CRPPA: variants seen among roughly 807,000 people sequenced by gnomAD.
CRPPA encodes CDP-L-ribitol pyrophosphorylase A, also known as D-ribitol-5-phosphate cytidylyltransferase.
Under a neutral mutation model 52.0 loss-of-function variants are expected in CRPPA, and 43 were observed. The ratio of observed to expected loss-of-function variants is 0.83; its 90% CI spans 0.65 to 1.07. CRPPA has a LOEUF of 1.07. CRPPA is among the 50% of genes least tolerant of loss of function. CRPPA has a pLI of 0.00. For synonymous variants in CRPPA, 250 were observed against 203.5 expected, an observed-to-expected ratio of 1.23 and a Z score of -1.94; for missense variants, 629 against 551.7, an observed-to-expected ratio of 1.14 and a Z score of -1.40.
intron 3 of CRPPA, among the ~76,000 whole-genome samples, chr7:16,358,926 C>A (rs1562652393): frequency 6.6e-6 from 1 of 152,124 alleles, no homozygotes; most frequent in Non-Finnish European, 1.5e-5. Context: ...AGTAAAATGA[C>A]AACTTTGAAA....
At chr7:16,245,020 A>G (rs999492537) in intron 8 of CRPPA, among the ~76,000 whole-genome samples, 1 of 151,920 alleles carries the variant, frequency 6.6e-6, no homozygotes. Context: ...TTCAAATTTT[A>G]AAGTTTTTTA....
At chr7:16,228,361 T>G (rs1377825580) in intron 8 of CRPPA, among the ~76,000 whole-genome samples, 1 of 151,860 alleles carries the variant, frequency 6.6e-6, no homozygotes, top group Admixed American at 6.6e-5. Flanking sequence ...CAGGCTTAGT[T>G]TGTTGTGTTT....
At chr7:16,377,683 C>T (rs1435336063) in intron 2 of CRPPA, among the ~76,000 whole-genome samples, 1 of 152,052 alleles carries the variant, frequency 6.6e-6, no homozygotes, top group Non-Finnish European at 1.5e-5. Context: ...AAGCCGTGAC[C>T]CGTTTCTTCT....
intron 9 of CRPPA, among the ~76,000 whole-genome samples, chr7:16,113,090 T>C (rs1267076078): frequency 6.6e-6 from 1 of 151,912 alleles, no homozygotes; most frequent in Non-Finnish European, 1.5e-5. Flanking sequence ...AAGACAAGTC[T>C]CTCTCAATGA....
chr7:16,339,321 T>G (rs1785764491), intron 3 of CRPPA, among the ~76,000 whole-genome samples: 1 of 152,162 alleles, frequency 6.6e-6, no homozygotes, highest in Non-Finnish European at 1.5e-5. Context: ...AAATTAAATC[T>G]ACTGTATAAG....
intron 9 of CRPPA, among the ~76,000 whole-genome samples, chr7:16,211,019 A>T (rs1782120731): frequency 6.6e-6 from 1 of 152,178 alleles, no homozygotes; most frequent in African/African-American, 2.4e-5. Context: ...ATTCAAGGTG[A>T]TGAATATCCT....
At chr7:16,208,966 C>T (rs1782042359) in intron 9 of CRPPA, 3 of 414,288 alleles carry the variant, frequency 7.2e-6, no homozygotes, top group Admixed American at 2.4e-5. Context: ...TCCTAAAATC[C>T]ACCAAATTTT....
rs141736443 is a variant in CRPPA, at chr7:16,164,419, T to C, written c.1251+51647A>G. ...TAGCTAGCAGTTCCTCTAACCTTTT[T>C]TCAAGGTTCTAAGCTTCCTTGCGTT... On this transcript the variant is annotated intron_variant, in intron 9 of 9. Coordinates refer to ENST00000407010, the MANE Select transcript of CRPPA (RefSeq NM_001101426.4). Among the ~76,000 whole-genome samples the C allele has an allele frequency of 6.7e-3, 1,016 of 152,284 alleles. 13 individuals carry two copies. The highest frequency in any genetic ancestry group is 0.023 in the African/African-American group (973 of 41,552).
chr7:16,347,931 G>T (rs940340855), intron 3 of CRPPA, among the ~76,000 whole-genome samples: 9 of 152,164 alleles, frequency 5.9e-5, no homozygotes, highest in Non-Finnish European at 1.3e-4. Flanking sequence ...AAAAAATGGT[G>T]GTTTTCTACA....
intron 9 of CRPPA, among the ~76,000 whole-genome samples, chr7:16,110,963 G>A (rs753026783): frequency 1.7e-4 from 26 of 151,966 alleles, no homozygotes; most frequent in Non-Finnish European, 3.4e-4. Context: ...TCAAAAGGAA[G>A]CAACAGTAGG....
intron 9 of CRPPA, among the ~76,000 whole-genome samples, chr7:16,150,177 G>A (rs1051689095): frequency 1.3e-5 from 2 of 152,010 alleles, no homozygotes; most frequent in East Asian, 1.9e-4. Flanking sequence ...GATTTTAAAT[G>A]AGCAAAATGC....
At position 16,089,479 on chromosome 7, in the gene CRPPA, A is replaced by G; in HGVS notation, c.*2216T>C. The G allele has an allele frequency of 3.2e-6, 1 of 313,598 alleles. No individual in the cohort carries two copies. Among genetic ancestry groups the G allele is most frequent in the South Asian group, 2.5e-5 (1 of 40,132 alleles). The allele number at this position is 313,598 out of a possible 1,614,324, so 19.4% of individuals were successfully genotyped here. A position where few individuals can be genotyped will look rare whatever the true frequency, so the allele number is the denominator to read the frequency against. ...TATATGTGTATATATGTACGTACAT[A>G]TATACGGGTATATATGTACGTACAT... On this transcript the variant is annotated 3_prime_UTR_variant, in exon 10 of 10. Transcript: ENST00000407010.
chr7:16,296,203 A>G (rs1043750089), intron 5 of CRPPA, among the ~76,000 whole-genome samples: 4 of 152,174 alleles, frequency 2.6e-5, no homozygotes, highest in Non-Finnish European at 4.4e-5. Flanking sequence ...ACCTAAAAAC[A>G]TAAGATAAAA....
intron 9 of CRPPA, among the ~76,000 whole-genome samples, chr7:16,195,796 T>C (rs1350727688): frequency 6.6e-6 from 1 of 152,124 alleles, no homozygotes; most frequent in African/African-American, 2.4e-5. Flanking sequence ...CTCAGGTCCA[T>C]TTCTTGCTCT....
At chr7:16,125,333 T>C (rs1000197969) in intron 9 of CRPPA, among the ~76,000 whole-genome samples, 12 of 146,212 alleles carry the variant, frequency 8.2e-5, no homozygotes, top group Non-Finnish European at 1.8e-4. Context: ...CCTTTAAATA[T>C]AATAAGTTCT....
chr7:16,275,348 A>G (rs1784178712), intron 6 of CRPPA, among the ~76,000 whole-genome samples: 1 of 152,148 alleles, frequency 6.6e-6, no homozygotes, highest in Non-Finnish European at 1.5e-5. Context: ...TCTGGGTCCA[A>G]AGCACATTCA....
At chr7:16,400,554 C>T (rs1039103812) in intron 2 of CRPPA, among the ~76,000 whole-genome samples, 31 of 152,146 alleles carry the variant, frequency 2.0e-4, no homozygotes, top group Non-Finnish European at 3.8e-4. Flanking sequence ...TCGACACGAT[C>T]GACACTTGAC....
At chr7:16,106,643 T>C (rs1782158302) in intron 9 of CRPPA, among the ~76,000 whole-genome samples, 1 of 152,202 alleles carries the variant, frequency 6.6e-6, no homozygotes, top group Non-Finnish European at 1.5e-5. Flanking sequence ...GATCTATCCC[T>C]GCTAAAGAAC....
At chr7:16,166,442 G>A (rs1781066737) in intron 9 of CRPPA, among the ~76,000 whole-genome samples, 1 of 152,040 alleles carries the variant, frequency 6.6e-6, no homozygotes, top group African/African-American at 2.4e-5. Context: ...ACCACGCCCA[G>A]CTAATATTTG....
Sources: allele counts gnomAD v4.1 joint callset (sites outside exome capture counted in the v4.1 genomes callset), GRCh38; gene constraint gnomAD v4.1.1; transcripts MANE v1.5; gene names NCBI Gene and HGNC (gene_info 2026-07-23, HGNC 2026-07-21).